The following SMARCA2 variants were observed in gnomAD, a reference collection of about 807,000 sequenced individuals.
SMARCA2 encodes SWI/SNF-related matrix-associated actin-dependent regulator of chromatin subfamily A member 2.
A neutral mutation model predicts 199.8 loss-of-function variants in SMARCA2; 61 were observed. The observed-to-expected ratio is 0.31, with a 90% CI of 0.25 to 0.38. The LOEUF (loss-of-function observed/expected upper bound fraction) is 0.38. Ranked by LOEUF, SMARCA2 falls within the 10% of genes least tolerant of loss-of-function variation. SMARCA2 has a pLI of 1.00. For synonymous variants in SMARCA2, 935 were observed against 732.0 expected (o/e 1.28, Z -4.48); for missense variants, 1,344 against 2,012.2 (o/e 0.67, Z 6.35).
rs1482899339 is a variant in SMARCA2, at chr9:2,193,529, T to G, written c.*790T>G. The G allele has an allele frequency of 1.3e-5, 2 of 152,660 alleles. No homozygotes were observed. Among genetic ancestry groups the G allele is most frequent in the African/African-American group, 4.8e-5 (2 of 41,446 alleles). 9.5% of individuals were successfully genotyped at this position (152,660 alleles called of 1,614,324 possible). On this transcript the variant is annotated 3_prime_UTR_variant, in exon 34 of 34. Coordinates refer to ENST00000349721, the MANE Select transcript of SMARCA2 (RefSeq NM_003070.5). ...TGCTTTCTTTGCACAATGTCTTTGGTTGCAAGTCATAAGCCTGAGGCAAAT... is the reference window on the plus strand; with the variant it reads ...TGCTTTCTTTGCACAATGTCTTTGGGTGCAAGTCATAAGCCTGAGGCAAAT...
chr9:2,076,236 A>G lies in SMARCA2; in HGVS notation c.1943A>G (p.Glu648Gly). The G allele has an allele frequency of 3.1e-6, 5 of 1,589,808 alleles. No individual in the cohort carries two copies. Among genetic ancestry groups the G allele is most frequent in the Non-Finnish European group, 4.3e-6 (5 of 1,158,064 alleles). Reference protein sequence around the residue: ...SDSDYEEEDEEEESSRQETEE... With the variant: ...SDSDYEEEDEGEESSRQETEE... ...TCTTTGTTCCTTTTCCAGGATGAGGAAGAAGAGTCCAGTAGGCAGGAAACC... is the reference window on the plus strand; with the variant it reads ...TCTTTGTTCCTTTTCCAGGATGAGGGAGAAGAGTCCAGTAGGCAGGAAACC... Residue 648 changes from glutamate (E) to glycine (G), a missense_variant, in exon 13 of 34, where the codon GAA (glutamate) becomes GGA (glycine). Transcript: ENST00000349721.
chr9:2,091,057 GA>G (rs202101912), intron 19 of SMARCA2, among the ~76,000 whole-genome samples: 3,602 of 152,066 alleles, frequency 0.024, 67 homozygotes, highest in Non-Finnish European at 0.032. Context: ...ATGTTTTTAT[GA>G]AAAAAGAGCC....
At chr9:2,160,958 A>C (rs905342491) in intron 27 of SMARCA2, 27 of 220,906 alleles carry the variant, frequency 1.2e-4, no homozygotes, top group African/African-American at 6.0e-4. Context: ...TTTCTTTTAT[A>C]CCTGGTTGTT....
At chr9:2,046,739 C>A (rs949261694) in intron 4 of SMARCA2, among the ~76,000 whole-genome samples, 1 of 150,840 alleles carries the variant, frequency 6.6e-6, no homozygotes, top group African/African-American at 2.4e-5. Context: ...GTGCAATTTG[C>A]AAGATGTGAT....
At chr9:2,143,928 A>T (rs1468316829) in intron 27 of SMARCA2, among the ~76,000 whole-genome samples, 2 of 152,242 alleles carry the variant, frequency 1.3e-5, no homozygotes, top group African/African-American at 2.4e-5. Context: ...GTTGAGAATC[A>T]ACTGACAAAG....
chr9:2,163,677 G>T (rs1034447320), intron 28 of SMARCA2, among the ~76,000 whole-genome samples: 2 of 152,182 alleles, frequency 1.3e-5, no homozygotes, highest in Non-Finnish European at 2.9e-5. Context: ...CTGTTTCTCT[G>T]ACCAGATGGG....
At chr9:2,107,373 C>A (rs1822802913) in intron 23 of SMARCA2, among the ~76,000 whole-genome samples, 1 of 152,194 alleles carries the variant, frequency 6.6e-6, no homozygotes, top group Non-Finnish European at 1.5e-5. Flanking sequence ...GTCCCCCAGG[C>A]TGGAGTGCAT....
At chr9:2,141,044 C>T (rs765304767) in intron 27 of SMARCA2, among the ~76,000 whole-genome samples, 3 of 152,078 alleles carry the variant, frequency 2.0e-5, no homozygotes, top group African/African-American at 4.8e-5. Flanking sequence ...TGACCTGTCA[C>T]CTCTCATGTA....
chr9:2,169,759 G>C lies in SMARCA2; in HGVS notation c.4200-660G>C, dbSNP rs1801203625. On this transcript the variant is annotated intron_variant, in intron 28 of 33. Coordinates refer to ENST00000349721, the MANE Select transcript of SMARCA2 (RefSeq NM_003070.5). The surrounding 1 kb of genome is among the most constrained non-coding windows in gnomAD (Gnocchi z 6.5). Reference sequence around the variant, plus strand: ...CACCACAAAAAGGGACACCAACCTAGCAGTTTCAAAAATCCTCAACTGAAG... The same window carrying C: ...CACCACAAAAAGGGACACCAACCTACCAGTTTCAAAAATCCTCAACTGAAG... Among the ~76,000 whole-genome samples, 2 of 152,172 alleles carry C rather than the reference G, an allele frequency of 1.3e-5. No individual in the cohort carries two copies. Among genetic ancestry groups the C allele is most frequent in the African/African-American group, 4.8e-5 (2 of 41,440 alleles).
At chr9:2,076,493 CG>C (rs1293282132) in intron 13 of SMARCA2, among the ~76,000 whole-genome samples, 164 bp downstream of exon 13, 1 of 151,822 alleles carries the variant, frequency 6.6e-6, no homozygotes, top group African/African-American at 2.4e-5. Context: ...TCCCAGGTCT[CG>C]GGGTTTCGTG....
chr9:2,029,824 G>A (rs1181521134), intron 2 of SMARCA2, among the ~76,000 whole-genome samples: 4 of 152,186 alleles, frequency 2.6e-5, no homozygotes, highest in East Asian at 1.9e-4. Flanking sequence ...CAGAGCTCAC[G>A]TCCAGCTGTT....
In SMARCA2 at chr9:2,077,645, G is replaced by T. The variant is rs536427030; in HGVS notation, c.2053G>T (p.Val685Leu). 1 of 1,613,850 alleles carries T rather than the reference G, an allele frequency of 6.2e-7. No individual in the cohort carries two copies. Among genetic ancestry groups the T allele is most frequent in the Admixed American group, 1.7e-5 (1 of 60,012 alleles). Reference protein sequence around the residue: ...KQIIETAKQDVDDEYSMQYSA... With the variant: ...KQIIETAKQDLDDEYSMQYSA... ...CTTTCCCAGGACAGCTAAGCAAGAC[G>T]TGGATGATGAATACAGCATGCAGTA... Residue 685 changes from valine (V) to leucine (L), a missense_variant, in exon 14 of 34, where the codon GTG becomes TTG. Physicochemically the swap from Val to Leu is conservative, Grantham distance 32. Coordinates refer to ENST00000349721, the MANE Select transcript of SMARCA2 (RefSeq NM_003070.5).
Position 2,138,060 on chromosome 9 carries a change from T to C in SMARCA2, c.3981+14123T>C, listed in dbSNP as rs562061583. Among the ~76,000 whole-genome samples the C allele has an allele frequency of 2.6e-5, 4 of 152,314 alleles. No homozygotes were observed. The East Asian group carries it at 7.7e-4, about 29-fold the overall frequency. On this transcript the variant is annotated intron_variant, in intron 27 of 33. Coordinates refer to ENST00000349721, the MANE Select transcript of SMARCA2 (RefSeq NM_003070.5). ...CAGAACATATTAATGAAGATTTAAATATGCATTAAAAAGTACAAGCATTGC... is the reference window on the plus strand; with the variant it reads ...CAGAACATATTAATGAAGATTTAAACATGCATTAAAAAGTACAAGCATTGC...
At chr9:2,128,479 CCA>C (rs2130642417) in intron 27 of SMARCA2, among the ~76,000 whole-genome samples, 1 of 152,318 alleles carries the variant, frequency 6.6e-6, no homozygotes, top group East Asian at 1.9e-4. Flanking sequence ...ACTGATTTCT[CCA>C]CACTGTGCTA....
rs139296425 is a variant in SMARCA2, at chr9:2,115,281, C to T, written c.3457-541C>T. 2.5e-3 allele frequency among the ~76,000 whole-genome samples: 382 copies of T among 152,168 alleles called. 2 individuals are homozygous for T. Among genetic ancestry groups the T allele is most frequent in the African/African-American group, 8.5e-3 (352 of 41,510 alleles). ...CCTTTTGATTTCCCAGATTGAAGAC[C>T]GAGTCTTTGATAAGGTTAGGTTCGA... is the stretch of plus-strand genomic sequence containing the variant. On this transcript the variant is annotated intron_variant, in intron 24 of 33. Transcript: ENST00000349721. This position sits in a 1 kb window ranked among gnomAD's most constrained non-coding sequence, Gnocchi z 6.0.
chr9:2,185,632 CAT>C (rs974477892), intron 31 of SMARCA2, among the ~76,000 whole-genome samples: 18 of 152,280 alleles, frequency 1.2e-4, no homozygotes, highest in Admixed American at 9.8e-4. Flanking sequence ...CATGCTCAGA[CAT>C]GTGTATCCAT....
rs373954302 is a variant in SMARCA2 at position 2,161,710 on chromosome 9, G to C, written c.4006G>C (p.Glu1336Gln). ...GGCCATCGAAGACGGCAATTTGGAG[G>C]AAATGGAAGAGGAAGTACGGCTTAA... ...LRAIEDGNLE[E>Q]MEEEVRLKKR... is the part of the protein sequence containing the mutation. The change falls in exon 28 of 34, where the codon GAA becomes CAA. Residue 1336 changes from glutamate (E) to glutamine (Q), a missense_variant. Physicochemically the swap from Glu to Gln is conservative, Grantham distance 29. Around this residue, in one of 18 missense-constraint regions of SMARCA2, gnomAD observed 16 missense variants for 29.7 expected, o/e 0.54. Transcript: ENST00000349721. The surrounding 1 kb of genome is among the most constrained non-coding windows in gnomAD (Gnocchi z 4.7). 5.8e-5 allele frequency: 93 copies of C among 1,613,746 alleles called. No homozygotes were observed. Among genetic ancestry groups the C allele is most frequent in the Non-Finnish European group, 7.8e-5 (92 of 1,179,876 alleles).
At chr9:2,105,386 C>T (rs1383528873) in intron 23 of SMARCA2, among the ~76,000 whole-genome samples, 1 of 151,890 alleles carries the variant, frequency 6.6e-6, no homozygotes, top group Non-Finnish European at 1.5e-5. Context: ...GCTGGGATTA[C>T]AGGCATGTGC....
intron 33 of SMARCA2, chr9:2,192,484 A>G: frequency 1.7e-6 from 1 of 582,566 alleles, no homozygotes; most frequent in South Asian, 2.1e-5. Flanking sequence ...AATAGCTTAG[A>G]GGGTGGGCTT....
Sources: gnomAD v4.1 joint callset for allele counts (sites outside exome capture counted in the v4.1 genomes callset) on GRCh38, gnomAD v4.1.1 for gene constraint, gnomAD v4.1.1 regional missense constraint, Gnocchi (gnomAD v3.1) non-coding constraint, MANE v1.5 for transcripts, NCBI Gene and HGNC (gene_info 2026-07-23, HGNC 2026-07-21) for gene names.